The following PRUNE2 variants were observed in gnomAD, a reference collection of about 807,000 sequenced individuals.
The protein encoded by PRUNE2 is prune homolog 2 with BCH domain, also known as protein prune homolog 2.
In PRUNE2, 164 loss-of-function variants were observed where a neutral mutation model predicts 252.0. That is an observed-to-expected ratio of 0.65 (90% CI 0.57 to 0.74). PRUNE2 has a LOEUF of 0.74. PRUNE2 is among the 30% of genes least tolerant of loss of function. The pLI is 0.00. For synonymous variants in PRUNE2, 1,292 were observed against 1,350.2 expected (o/e 0.96, Z 0.94); for missense variants, 3,495 against 3,711.0 (o/e 0.94, Z 1.51).
At chr9:76,699,041 C>T (rs947180037) in intron 9 of PRUNE2, among the ~76,000 whole-genome samples, 2 of 130,038 alleles carry the variant, frequency 1.5e-5, no homozygotes, top group African/African-American at 5.7e-5. Flanking sequence ...CCACCCCACC[C>T]CCACCCCCTC....
intron 4 of PRUNE2, among the ~76,000 whole-genome samples, chr9:76,841,289 T>C (rs1425462683): frequency 6.6e-6 from 1 of 152,178 alleles, no homozygotes; most frequent in East Asian, 1.9e-4. Context: ...CCAGCCCAAA[T>C]ACTATGCTTT....
At chr9:76,868,444 T>C (rs1361623985) in intron 1 of PRUNE2, among the ~76,000 whole-genome samples, 2 of 152,206 alleles carry the variant, frequency 1.3e-5, no homozygotes, top group Non-Finnish European at 2.9e-5. Flanking sequence ...GCTGGTTTAC[T>C]GTGCCCACCA....
intron 6 of PRUNE2, among the ~76,000 whole-genome samples, chr9:76,743,724 A>T (rs190885750): frequency 4.6e-5 from 7 of 152,356 alleles, no homozygotes; most frequent in South Asian, 2.1e-4. Flanking sequence ...GCTAACATTG[A>T]TATAATTACA....
At position 76,704,836 on chromosome 9, in the gene PRUNE2, G is replaced by A. The variant is rs369583527; in HGVS notation, c.7438C>T (p.Pro2480Ser). 6.3e-7 allele frequency: 1 copy of A among 1,594,424 alleles called. No homozygotes were observed. The change falls in exon 8 of 19, where the codon CCA becomes TCA. Residue 2480 changes from proline (P) to serine (S), a missense_variant. Transcript: ENST00000376718. ...PVGAGSNILS[P>S]SNVDWEVETD... ...TCTACTTCCCAGTCAACGTTTGATG[G>A]AGACAAAATGTTGGAGCCTGCTCCT...
At chr9:76,849,876 C>T (rs1763736918) in intron 3 of PRUNE2, among the ~76,000 whole-genome samples, 1 of 151,980 alleles carries the variant, frequency 6.6e-6, no homozygotes, top group South Asian at 2.1e-4. Context: ...ATAATTTGGT[C>T]AATTTTATAA....
intron 9 of PRUNE2, among the ~76,000 whole-genome samples, chr9:76,658,994 A>G (rs546707089): frequency 3.8e-4 from 58 of 152,174 alleles, no homozygotes; most frequent in African/African-American, 1.4e-3. Flanking sequence ...TGGAAGGGAG[A>G]GATGTCGCTT....
rs559506903 is a variant in PRUNE2 at position 76,801,624 on chromosome 9, TA to T, written c.756+22007del. The stretch of plus-strand genomic sequence containing the variant: ...TAATTTATTAATTTCCACTTATTGT[TA>T]AAAAAAAGTTTAAAGGTAAACTCTG... On this transcript the variant is annotated intron_variant, in intron 6 of 18. Transcript: ENST00000376718. 2.1e-3 allele frequency among the ~76,000 whole-genome samples: 312 copies of T among 151,988 alleles called. 2 individuals are homozygous for T. Among genetic ancestry groups the T allele is most frequent in the African/African-American group, 7.1e-3 (293 of 41,496 alleles).
intron 16 of PRUNE2, chr9:76,625,154 A>G (rs1309648285): frequency 8.9e-6 from 7 of 783,826 alleles, no homozygotes; most frequent in Admixed American, 7.1e-5. Flanking sequence ...ATCATGAGAG[A>G]AAATGCCTAT....
At chr9:76,679,025 G>T (rs514208) in intron 9 of PRUNE2, among the ~76,000 whole-genome samples, 101,909 of 151,826 alleles carry the variant, frequency 0.67, 35,633 homozygotes, top group Non-Finnish European at 0.77. Flanking sequence ...GATTCAGGAG[G>T]CAGGCTGCCT....
intron 1 of PRUNE2, among the ~76,000 whole-genome samples, chr9:76,871,345 G>A (rs915173794): frequency 6.6e-6 from 1 of 152,186 alleles, no homozygotes; most frequent in African/African-American, 2.4e-5. Context: ...ATGATTTAAT[G>A]TATACAGGAG....
At chr9:76,695,870 CAATT>C (rs2134577892) in intron 9 of PRUNE2, among the ~76,000 whole-genome samples, 1 of 151,084 alleles carries the variant, frequency 6.6e-6, no homozygotes, top group Non-Finnish European at 1.5e-5. Flanking sequence ...GCAACAGAAT[CAATT>C]AAATAAATAA....
At chr9:76,614,661 G>T in intron 18 of PRUNE2, 61 bp from the exon 19 acceptor site, 1 of 1,278,146 alleles carries the variant, frequency 7.8e-7, no homozygotes. Flanking sequence ...ATTTAGTAAT[G>T]ATTTGGGTAG....
intron 12 of PRUNE2, 100 bp from the exon 13 acceptor site, chr9:76,638,388 T>C (rs2132657477): frequency 2.6e-6 from 2 of 768,194 alleles, no homozygotes; most frequent in South Asian, 1.5e-5. Context: ...AAGTGTGTCT[T>C]TGTGGGTATA....
At position 76,854,207 on chromosome 9, in the gene PRUNE2, T is replaced by G; in HGVS notation, c.38A>C (p.Asn13Thr). ...GACCTTCTCCAAGCGTTTGCTTCGA[T>G]TCTGAAACAAATTCAAAGGAAACAT... Reference protein sequence around the residue: ...EFLQRAKSKLNRSKRLEKVHV... With the variant: ...EFLQRAKSKLTRSKRLEKVHV... The change falls in exon 2 of 19, where the codon AAT becomes ACT. Residue 13 changes from asparagine to threonine, a missense_variant and splice_region_variant. Coordinates refer to ENST00000376718, the MANE Select transcript of PRUNE2 (RefSeq NM_015225.3). 1 of 1,561,496 alleles carries G rather than the reference T, an allele frequency of 6.4e-7. No individual in the cohort carries two copies. Among genetic ancestry groups the G allele is most frequent in the Non-Finnish European group, 8.8e-7 (1 of 1,141,828 alleles).
intron 6 of PRUNE2, among the ~76,000 whole-genome samples, chr9:76,775,472 G>GT (rs11394055): frequency 0.3 from 45,850 of 150,504 alleles, 7,164 homozygotes; most frequent in East Asian, 0.48. Flanking sequence ...AATTTTTGTG[G>GT]TTTTTTTTTG....
chr9:76,708,238 C>T lies in PRUNE2; in HGVS notation c.4036G>A (p.Ala1346Thr), dbSNP rs201299987. Residue 1346 changes from alanine to threonine, a missense_variant, in exon 8 of 19, where the codon GCC (alanine) becomes ACC (threonine). Transcript: ENST00000376718. ...RGHLDEEEVI[A>T]SGVENASGIS... ...CCTGAGGCATTCTCCACACCAGAGG[C>T]GATCACCTCCTCTTCATCAAGGTGC... is the stretch of plus-strand genomic sequence containing the variant. 90 of 1,613,882 alleles carry T rather than the reference C, an allele frequency of 5.6e-5. No individual in the cohort carries two copies. The highest frequency in any genetic ancestry group is 1.3e-4 in the East Asian group (6 of 44,868).
chr9:76,750,259 G>C (rs140985787), intron 6 of PRUNE2, among the ~76,000 whole-genome samples: 198 of 152,162 alleles, frequency 1.3e-3, no homozygotes, highest in African/African-American at 4.1e-3. Context: ...GGGAACCTCT[G>C]ATTTATAGCC....
intron 18 of PRUNE2, among the ~76,000 whole-genome samples, chr9:76,615,658 A>AATAAG (rs1403880736): frequency 6.6e-6 from 1 of 152,210 alleles, no homozygotes; most frequent in Non-Finnish European, 1.5e-5. Flanking sequence ...CTTGCTAATG[A>AATAAG]ATAAGTCTAA....
chr9:76,814,256 G>A (rs1278505860), intron 6 of PRUNE2, among the ~76,000 whole-genome samples: 6 of 152,304 alleles, frequency 3.9e-5, no homozygotes, highest in African/African-American at 1.4e-4. Flanking sequence ...ATGAATAACA[G>A]AATATGCTGG....
Sources: gnomAD v4.1 joint callset for allele counts (sites outside exome capture counted in the v4.1 genomes callset) on GRCh38, gnomAD v4.1.1 for gene constraint, MANE v1.5 for transcripts, NCBI Gene and HGNC (gene_info 2026-07-23, HGNC 2026-07-21) for gene names.